Variants in CRLF3 observed in about 807,000 individuals in gnomAD.
The protein encoded by CRLF3 is cytokine receptor-like factor 3.
In CRLF3, 33 loss-of-function variants were observed where a neutral mutation model predicts 55.0. That is an observed-to-expected ratio of 0.60 (90% confidence interval 0.46 to 0.80). The LOEUF is 0.80. CRLF3 is among the 30% of genes least tolerant of loss of function. The pLI is 0.00. For missense variants in CRLF3, 494 were observed against 538.4 expected (o/e 0.92, Z 0.82); for synonymous variants, 238 against 196.8 (o/e 1.21, Z -1.75).
At chr17:30,789,458 T>C (rs996670192) in intron 6 of CRLF3, among the ~76,000 whole-genome samples, 2 of 151,982 alleles carry the variant, frequency 1.3e-5, no homozygotes, top group Non-Finnish European at 2.9e-5. Flanking sequence ...TCATAAGAGG[T>C]AAAAGTTAAA....
intron 1 of CRLF3, among the ~76,000 whole-genome samples, chr17:30,812,093 G>C (rs1209949857): frequency 6.6e-6 from 1 of 151,700 alleles, no homozygotes; most frequent in African/African-American, 2.4e-5. Flanking sequence ...CTGGGCGACA[G>C]AGCGAGACTC....
chr17:30,818,531 G>A (rs142044931), intron 1 of CRLF3, among the ~76,000 whole-genome samples: 25,382 of 144,148 alleles, frequency 0.18, 2,761 homozygotes, highest in Middle Eastern at 0.26. Context: ...TCGGCTCACC[G>A]CAACCTCCGT....
At position 30,783,634 on chromosome 17, in the gene CRLF3, G is replaced by A. The variant is rs12006; in HGVS notation, c.*553C>T. 0.14 allele frequency: 20,665 copies of A among 152,162 alleles called. 1,498 individuals are homozygous for A. Among genetic ancestry groups the A allele is most frequent in the South Asian group, 0.25 (1,199 of 4,812 alleles). 9.4% of individuals were successfully genotyped at this position (152,162 alleles called of 1,614,324 possible). ...CTCCGTCTCAACAAAAAAAGAAAAAGTTATAATGTTTTGGGGACTTAAAGA... is the reference window on the plus strand; with the variant it reads ...CTCCGTCTCAACAAAAAAAGAAAAAATTATAATGTTTTGGGGACTTAAAGA... On this transcript the variant is annotated 3_prime_UTR_variant, in exon 8 of 8. Coordinates refer to ENST00000324238, the MANE Select transcript of CRLF3 (RefSeq NM_015986.4).
At chr17:30,814,409 T>C (rs183430945) in intron 1 of CRLF3, among the ~76,000 whole-genome samples, 57 of 152,252 alleles carry the variant, frequency 3.7e-4, no homozygotes, top group Non-Finnish European at 7.4e-5. Context: ...ATTCCAGCAC[T>C]TTGTGAGGCC....
At chr17:30,793,374 T>C in intron 5 of CRLF3, 76 bp downstream of exon 5, 1 of 1,089,746 alleles carries the variant, frequency 9.2e-7, no homozygotes, top group Non-Finnish European at 1.4e-6. Flanking sequence ...TGGTTGTCAG[T>C]GTGCTGCCCT....
chr17:30,784,245 C>A lies in CRLF3; in HGVS notation c.1271G>T (p.Gly424Val). Residue 424 changes from glycine to valine, a missense_variant, in exon 8 of 8, where the codon GGT (glycine) becomes GTT (valine). Physicochemically the swap from Gly to Val is moderately radical, Grantham distance 109 (BLOSUM62 -3). Transcript: ENST00000324238. The part of the protein sequence containing the change: ...VFDWLLDQSC[G>V]SLYFGCSFFY... Reference sequence around the variant, plus strand: ...AAATGAGCATCCAAAGTAAAGAGAACCACAAGACTGATCAAGTAACCAGTC... The same window carrying A: ...AAATGAGCATCCAAAGTAAAGAGAAACACAAGACTGATCAAGTAACCAGTC... The A allele has an allele frequency of 6.2e-7, 1 of 1,613,832 alleles. No individual in the cohort carries two copies. Among genetic ancestry groups the A allele is most frequent in the East Asian group, 2.2e-5 (1 of 44,880 alleles).
intron 2 of CRLF3, among the ~76,000 whole-genome samples, chr17:30,802,005 C>T (rs1972013060): frequency 6.6e-6 from 1 of 152,044 alleles, no homozygotes; most frequent in East Asian, 1.9e-4. Flanking sequence ...CTATCCCACA[C>T]TATTCCAGAC....
At position 30,792,556 on chromosome 17, in the gene CRLF3, A is replaced by G. The variant is rs928025574; in HGVS notation, c.843T>C (p.Phe281=). ...TLVPHEWTAG[F]EGYSLSSRRN... ...TTCGACTGCTCAGACTGTACCCCTCAAAACCAGCTGTCCACTCTTTTTCAA... is the reference window on the plus strand; with the variant it reads ...TTCGACTGCTCAGACTGTACCCCTCGAAACCAGCTGTCCACTCTTTTTCAA... Residue 281 remains phenylalanine, a synonymous_variant, in exon 6 of 8, where the codon TTT becomes TTC. Coordinates refer to ENST00000324238, the MANE Select transcript of CRLF3 (RefSeq NM_015986.4). The G allele has an allele frequency of 2.6e-5, 41 of 1,601,428 alleles. No individual in the cohort carries two copies. Among genetic ancestry groups the G allele is most frequent in the Non-Finnish European group, 3.4e-5 (40 of 1,169,758 alleles).
At chr17:30,784,748 C>A (rs1442674047) in intron 7 of CRLF3, 2 of 242,100 alleles carry the variant, frequency 8.3e-6, no homozygotes, top group Non-Finnish European at 8.0e-6. Context: ...ATTCTTGACT[C>A]ACCAACACAA....
chr17:30,813,621 A>T (rs191260484), intron 1 of CRLF3, among the ~76,000 whole-genome samples: 204 of 152,116 alleles, frequency 1.3e-3, no homozygotes, highest in Non-Finnish European at 2.1e-3. Context: ...TTTTTTAATA[A>T]CTATAAGTTT....
At chr17:30,799,540 T>A (rs1180790505) in intron 2 of CRLF3, among the ~76,000 whole-genome samples, 1 of 151,826 alleles carries the variant, frequency 6.6e-6, no homozygotes, top group Non-Finnish European at 1.5e-5. Flanking sequence ...TATCTTTTTT[T>A]TTTTTTGAGA....
chr17:30,816,769 G>A (rs1172829061), intron 1 of CRLF3, among the ~76,000 whole-genome samples: 1 of 151,778 alleles, frequency 6.6e-6, no homozygotes, highest in African/African-American at 2.4e-5. Flanking sequence ...GACTACAAGT[G>A]TGAGCCAGCA....
rs1355100633 is a variant in CRLF3, at chr17:30,782,961, AATT to A, written c.*1223_*1225del. Reference sequence around the variant, plus strand: ...AAATCTGTAGGGTGGCATAGAAGACAATTATTTTTACATATTAAAGTCCTTCAA... The same window carrying A: ...AAATCTGTAGGGTGGCATAGAAGACAATTTTTACATATTAAAGTCCTTCAA... On this transcript the variant is annotated 3_prime_UTR_variant, in exon 8 of 8. Coordinates refer to ENST00000324238, the MANE Select transcript of CRLF3 (RefSeq NM_015986.4). 6.6e-6 allele frequency: 1 copy of A among 152,216 alleles called. No individual in the cohort carries two copies. Among genetic ancestry groups the A allele is most frequent in the Non-Finnish European group, 1.5e-5 (1 of 68,040 alleles). The allele number at this position is 152,216 out of a possible 1,614,324, so 9.4% of individuals were successfully genotyped here.
chr17:30,810,189 T>C (rs1181731817), intron 1 of CRLF3, among the ~76,000 whole-genome samples: 1 of 152,238 alleles, frequency 6.6e-6, no homozygotes, highest in Non-Finnish European at 1.5e-5. Context: ...AACTGTAATA[T>C]ACATTGTTTA....
intron 1 of CRLF3, among the ~76,000 whole-genome samples, chr17:30,813,787 T>A (rs1325200733): frequency 7.1e-6 from 1 of 141,316 alleles, no homozygotes; most frequent in Non-Finnish European, 1.5e-5. Context: ...GCATTTTAAA[T>A]AAGTTTCTCA....
chr17:30,784,642 C>T (rs1971592838), intron 7 of CRLF3, 199 bp from the exon 8 acceptor site: 1 of 475,346 alleles, frequency 2.1e-6, no homozygotes, highest in East Asian at 3.3e-5. Context: ...ATATCAGTGT[C>T]ATCAAAAGAA....
chr17:30,801,339 C>T (rs1403200036), intron 2 of CRLF3: 1 of 151,144 alleles, frequency 6.6e-6, no homozygotes, highest in Non-Finnish European at 1.5e-5. Context: ...CTTGCCCAGG[C>T]TGGTCTTGAA....
chr17:30,796,337 G>C lies in CRLF3; in HGVS notation c.426C>G (p.Ser142Arg). Reference sequence around the variant, plus strand: ...CAACCAGTAAAGGTACTTCTGGTAAGCTGAGGAAACAAAGCTCATGTGTTA... The same window carrying C: ...CAACCAGTAAAGGTACTTCTGGTAACCTGAGGAAACAAAGCTCATGTGTTA... ...TKKASHIQLDSLPEVPLLVDV... is the reference protein window; with the variant it reads ...TKKASHIQLDRLPEVPLLVDV... Residue 142 changes from serine (S) to arginine (R), a missense_variant and splice_region_variant, in exon 4 of 8, where the codon AGC (serine) becomes AGG (arginine). By Grantham distance (110) the Ser-to-Arg change is moderately radical. Transcript: ENST00000324238. 1.2e-6 allele frequency: 2 copies of C among 1,611,678 alleles called. No homozygotes were observed. The highest frequency in any genetic ancestry group is 1.7e-6 in the Non-Finnish European group (2 of 1,178,654).
At chr17:30,793,989 C>G (rs1178916449) in intron 4 of CRLF3, among the ~76,000 whole-genome samples, 1 of 152,102 alleles carries the variant, frequency 6.6e-6, no homozygotes, top group Admixed American at 6.6e-5. Flanking sequence ...CAGGTGCACA[C>G]CACCATGTCC....
Sources: allele counts gnomAD v4.1 joint callset (sites outside exome capture counted in the v4.1 genomes callset), GRCh38; gene constraint gnomAD v4.1.1; transcripts MANE v1.5; gene names NCBI Gene and HGNC (gene_info 2026-07-23, HGNC 2026-07-21).